ZNF573: variants seen among roughly 807,000 people sequenced by gnomAD.
ZNF573 encodes the protein zinc finger protein 573.
ZNF573 carries 41 observed loss-of-function variants against 57.4 expected under a neutral mutation model. That is an observed-to-expected ratio of 0.71 (90% CI 0.56 to 0.93). The LOEUF is 0.93. Ranked by LOEUF, ZNF573 falls within the 40% of genes least tolerant of loss-of-function variation. The probability of loss-of-function intolerance (pLI) is 0.00; values close to 1 mark genes in which losing one functional copy is unlikely to be tolerated. For missense variants in ZNF573, 730 were observed against 794.8 expected, an observed-to-expected ratio of 0.92 and a Z score of 0.98; for synonymous variants, 249 against 261.0, an observed-to-expected ratio of 0.95 and a Z score of 0.44.
chr19:37,762,803 A>G (rs572729218), intron 4 of ZNF573, among the ~76,000 whole-genome samples: 259 of 148,130 alleles, frequency 1.7e-3, no homozygotes, highest in African/African-American at 6.2e-3. Flanking sequence ...AAGGAGTCTC[A>G]TTCTGTCACC....
At chr19:37,755,905 A>G (rs1458096871) in intron 4 of ZNF573, among the ~76,000 whole-genome samples, 1 of 152,230 alleles carries the variant, frequency 6.6e-6, no homozygotes, top group Non-Finnish European at 1.5e-5. Context: ...ACATGAAATA[A>G]AGAATAACAT....
intron 4 of ZNF573, among the ~76,000 whole-genome samples, chr19:37,752,140 GC>G (rs998954578): frequency 7.2e-5 from 11 of 151,952 alleles, no homozygotes; most frequent in African/African-American, 2.2e-4. Flanking sequence ...CAAAAAGGGT[GC>G]CAACAAAATT....
At chr19:37,776,342 C>T (rs945187230) in intron 1 of ZNF573, among the ~76,000 whole-genome samples, 3 of 152,074 alleles carry the variant, frequency 2.0e-5, no homozygotes, top group Admixed American at 2.0e-4. Flanking sequence ...TACTTACAGC[C>T]AACTGATCTT....
chr19:37,770,089 A>C lies in ZNF573; in HGVS notation c.211T>G (p.Ser71Ala). The change falls in exon 4 of 5, where the codon TCC (serine) becomes GCC (alanine). Residue 71 changes from serine to alanine, a missense_variant. Transcript: ENST00000536220. The stretch of plus-strand genomic sequence containing the variant: ...TCAACCACAACTGGTTTAGAAATGG[A>C]ATGTCCTCCTTATAAGAAAAGAAAT... ...YRNLVSLGGH[S>A]ISKPVVVDLL... 6.5e-7 allele frequency: 1 copy of C among 1,550,070 alleles called. No individual in the cohort carries two copies. Among genetic ancestry groups the C allele is most frequent in the Non-Finnish European group, 8.7e-7 (1 of 1,146,444 alleles).
intron 4 of ZNF573, among the ~76,000 whole-genome samples, chr19:37,741,143 G>A (rs2045323276): frequency 6.6e-6 from 1 of 152,136 alleles, no homozygotes; most frequent in Non-Finnish European, 1.5e-5. Context: ...CATTTTGTAG[G>A]CTGAATCCTT....
chr19:37,759,340 T>C (rs2045528272), intron 4 of ZNF573, among the ~76,000 whole-genome samples: 1 of 152,196 alleles, frequency 6.6e-6, no homozygotes, highest in Non-Finnish European at 1.5e-5. Context: ...AGTTTAACTG[T>C]AACTCAAAAG....
intron 4 of ZNF573, among the ~76,000 whole-genome samples, chr19:37,740,963 A>T (rs1288911476): frequency 6.6e-6 from 1 of 152,196 alleles, no homozygotes; most frequent in Non-Finnish European, 1.5e-5. Flanking sequence ...GCAAGAAAAA[A>T]GCCTGTATGT....
chr19:37,756,840 A>G (rs2145303394), intron 4 of ZNF573, among the ~76,000 whole-genome samples: 1 of 152,072 alleles, frequency 6.6e-6, no homozygotes, highest in East Asian at 1.9e-4. Context: ...ATAAAATGCT[A>G]CTATACAGTC....
chr19:37,754,625 C>T (rs2045470058), intron 4 of ZNF573, among the ~76,000 whole-genome samples: 1 of 149,646 alleles, frequency 6.7e-6, no homozygotes, highest in Admixed American at 6.7e-5. Context: ...ATGGCTTTTG[C>T]TTGCATTCCA....
intron 4 of ZNF573, among the ~76,000 whole-genome samples, chr19:37,749,105 G>T: frequency 6.6e-6 from 1 of 151,892 alleles, no homozygotes; most frequent in East Asian, 1.9e-4. Context: ...GAAGGAGAAT[G>T]TCTTTATTCT....
intron 4 of ZNF573, among the ~76,000 whole-genome samples, chr19:37,766,815 C>A (rs552702612): frequency 1.3e-5 from 2 of 152,170 alleles, no homozygotes; most frequent in South Asian, 4.2e-4. Context: ...AGTTGTCTTG[C>A]AATAAAATAA....
chr19:37,750,823 C>A (rs1224128343), intron 4 of ZNF573, among the ~76,000 whole-genome samples: 2 of 143,256 alleles, frequency 1.4e-5, no homozygotes, highest in African/African-American at 2.5e-5. Context: ...CAGAGCAAGA[C>A]CCAGTCTCAA....
chr19:37,738,379 G>C lies in ZNF573; in HGVS notation c.*113C>G. On this transcript the variant is annotated 3_prime_UTR_variant, in exon 5 of 5. Transcript: ENST00000536220. ...AATGCTTTCTAATGTGGCAAGATCT[G>C]CATTTTGAACTCTCTCAATTGCTAA... 8.6e-7 allele frequency: 1 copy of C among 1,164,340 alleles called. No individual in the cohort carries two copies. Among genetic ancestry groups the C allele is most frequent in the East Asian group, 2.7e-5 (1 of 37,278 alleles). 72.1% of individuals were successfully genotyped at this position (1,164,340 alleles called of 1,614,324 possible).
intron 4 of ZNF573, among the ~76,000 whole-genome samples, chr19:37,749,113 T>C (rs2045410019): frequency 6.6e-6 from 1 of 151,976 alleles, no homozygotes; most frequent in South Asian, 2.1e-4. Context: ...ATGTCTTTAT[T>C]CTTAGGAGAT....
intron 4 of ZNF573, among the ~76,000 whole-genome samples, chr19:37,760,020 T>C (rs947622646): frequency 7.2e-5 from 11 of 152,220 alleles, no homozygotes; most frequent in East Asian, 3.8e-4. Context: ...TTCACATACA[T>C]GATTTGGAGT....
intron 4 of ZNF573, among the ~76,000 whole-genome samples, chr19:37,750,086 A>T (rs963942563): frequency 1.9e-4 from 27 of 144,448 alleles, no homozygotes; most frequent in Middle Eastern, 3.6e-3. Flanking sequence ...TTTTTTTTTA[A>T]TTTTTTTTTT....
In ZNF573 at chr19:37,738,739, C is replaced by T. The variant is rs1305280954; in HGVS notation, c.1751G>A (p.Cys584Tyr). ...SIHADKKPYE[C>Y]KECGKAFKMY... ...TTTAAAGGCCTTTCCACATTCTTTA[C>T]ATTCATAGGGTTTTTTATCAGCATG... Residue 584 changes from cysteine (C) to tyrosine (Y), a missense_variant, in exon 5 of 5, where the codon TGT (cysteine) becomes TAT (tyrosine). By Grantham distance (194) the Cys-to-Tyr change is radical. Coordinates refer to ENST00000536220, the MANE Select transcript of ZNF573 (RefSeq NM_001172690.2). 1 of 1,613,788 alleles carries T rather than the reference C, an allele frequency of 6.2e-7. No individual in the cohort carries two copies.
chr19:37,755,979 C>T lies in ZNF573; in HGVS notation c.295+14026G>A, dbSNP rs139614476. Among the ~76,000 whole-genome samples the T allele has an allele frequency of 3.8e-3, 576 of 152,298 alleles. 6 individuals carry two copies. Among genetic ancestry groups the T allele is most frequent in the African/African-American group, 0.013 (547 of 41,572 alleles). ...CCCACTACTTGGGCTCAACCCTGTG[C>T]TCTTTCGCTTAGGTTAACACGCTAA... On this transcript the variant is annotated intron_variant, in intron 4 of 4. Transcript: ENST00000536220.
At chr19:37,757,001 T>C (rs887044410) in intron 4 of ZNF573, among the ~76,000 whole-genome samples, 10 of 151,752 alleles carry the variant, frequency 6.6e-5, no homozygotes, top group African/African-American at 2.2e-4. Context: ...CAAACAGCAC[T>C]GTACATCTGA....
Sources: allele counts gnomAD v4.1 joint callset (sites outside exome capture counted in the v4.1 genomes callset), GRCh38; gene constraint gnomAD v4.1.1; transcripts MANE v1.5; gene names NCBI Gene and HGNC (gene_info 2026-07-23, HGNC 2026-07-21).